The following GABRB2 variants were observed in gnomAD, a reference collection of about 807,000 sequenced individuals.
GABRB2 encodes the protein gamma-aminobutyric acid type A receptor subunit beta2, also known as gamma-aminobutyric acid receptor subunit beta-2.
A neutral mutation model predicts 54.7 loss-of-function variants in GABRB2; 16 were observed. The observed-to-expected ratio is 0.29, with a 90% CI of 0.20 to 0.44. The LOEUF (loss-of-function observed/expected upper bound fraction) is 0.44. Among genes scored for constraint, GABRB2 ranks in the 20% least tolerant of loss-of-function variants. The probability of loss-of-function intolerance (pLI) is 1.00; values close to 1 mark genes in which losing one functional copy is unlikely to be tolerated. For missense variants in GABRB2, 355 were observed against 644.0 expected (o/e 0.55, Z 4.86); for synonymous variants, 244 against 233.8 (o/e 1.04, Z -0.40).
At chr5:161,372,718 A>C (rs1213432317) in intron 5 of GABRB2, among the ~76,000 whole-genome samples, 1 of 152,192 alleles carries the variant, frequency 6.6e-6, no homozygotes, top group African/African-American at 2.4e-5. Flanking sequence ...ATGCTACAGA[A>C]TTCATTCATT....
chr5:161,533,785 T>A (rs185681758), intron 3 of GABRB2, among the ~76,000 whole-genome samples: 8 of 152,322 alleles, frequency 5.3e-5, no homozygotes, highest in Admixed American at 1.3e-4. Context: ...ATAGTTTACA[T>A]CAGTGGTAGT....
At chr5:161,509,063 A>G (rs940282579) in intron 3 of GABRB2, among the ~76,000 whole-genome samples, 3 of 151,950 alleles carry the variant, frequency 2.0e-5, no homozygotes, top group African/African-American at 7.2e-5. Context: ...ATGAGGCAAC[A>G]CTACATAAAT....
rs139027920 is a variant in GABRB2 at position 161,396,822 on chromosome 5, T to C, written c.541+14153A>G. On this transcript the variant is annotated intron_variant, in intron 5 of 9. Coordinates refer to ENST00000393959, the MANE Select transcript of GABRB2 (RefSeq NM_001371727.1). ...AAAATAGCTTAACACATTACCAGAT[T>C]GTAATTAGACTTTCAGGAGTAAATT... Among the ~76,000 whole-genome samples the C allele has an allele frequency of 2.0e-3, 310 of 152,304 alleles. 3 individuals are homozygous for C. Among genetic ancestry groups the C allele is most frequent in the African/African-American group, 7.0e-3 (289 of 41,566 alleles).
chr5:161,326,628 T>A (rs1398954584), intron 8 of GABRB2, 147 bp from the exon 9 acceptor site: 20 of 1,039,496 alleles, frequency 1.9e-5, no homozygotes, highest in Non-Finnish European at 2.6e-5. Flanking sequence ...GGAATTTGAG[T>A]AAGTTTTTAA....
At chr5:161,377,010 G>A (rs913211860) in intron 5 of GABRB2, among the ~76,000 whole-genome samples, 1 of 151,994 alleles carries the variant, frequency 6.6e-6, no homozygotes, top group Non-Finnish European at 1.5e-5. Flanking sequence ...AGCTAGGACA[G>A]GTTATTAATA....
intron 3 of GABRB2, among the ~76,000 whole-genome samples, chr5:161,530,203 A>T (rs1037687787): frequency 6.6e-6 from 1 of 152,144 alleles, no homozygotes; most frequent in African/African-American, 2.4e-5. Flanking sequence ...AAGGGAGAAC[A>T]TGAACAATTA....
intron 5 of GABRB2, among the ~76,000 whole-genome samples, chr5:161,356,583 A>G (rs549208511): frequency 1.3e-5 from 2 of 152,172 alleles, no homozygotes; most frequent in Non-Finnish European, 2.9e-5. Flanking sequence ...CAGTTCATTC[A>G]TCATTAGAAT....
intron 3 of GABRB2, among the ~76,000 whole-genome samples, chr5:161,497,294 C>T: frequency 6.6e-6 from 1 of 152,236 alleles, no homozygotes; most frequent in Admixed American, 6.6e-5. Context: ...AAACCCTGAT[C>T]TTTAAGGCTT....
chr5:161,294,955 A>G (rs1337549236), intron 9 of GABRB2, among the ~76,000 whole-genome samples: 1 of 152,198 alleles, frequency 6.6e-6, no homozygotes, highest in Non-Finnish European at 1.5e-5. Context: ...ATTTCATCTA[A>G]TTGATGTTTC....
intron 5 of GABRB2, among the ~76,000 whole-genome samples, chr5:161,370,833 C>A (rs1370234193): frequency 6.6e-6 from 1 of 152,156 alleles, no homozygotes; most frequent in Admixed American, 6.6e-5. Context: ...AAAATGTCCT[C>A]TTAATTATAG....
At chr5:161,531,691 AATC>A (rs1303871552) in intron 3 of GABRB2, among the ~76,000 whole-genome samples, 4 of 152,014 alleles carry the variant, frequency 2.6e-5, no homozygotes, top group African/African-American at 9.7e-5. Context: ...AACCAACTGT[AATC>A]TTCCATTATT....
intron 3 of GABRB2, among the ~76,000 whole-genome samples, chr5:161,474,266 T>C (rs1758530893): frequency 6.6e-6 from 1 of 152,036 alleles, no homozygotes; most frequent in African/African-American, 2.4e-5. Context: ...CATTCCTCCC[T>C]GTTATCTTGC....
chr5:161,363,205 AG>A (rs1374701381), intron 5 of GABRB2, among the ~76,000 whole-genome samples: 2 of 152,208 alleles, frequency 1.3e-5, no homozygotes, highest in African/African-American at 4.8e-5. Flanking sequence ...GTCATAAAAA[AG>A]GATGAGTTCA....
chr5:161,525,800 T>G (rs1198386891), intron 3 of GABRB2, among the ~76,000 whole-genome samples: 1 of 151,366 alleles, frequency 6.6e-6, no homozygotes, highest in Non-Finnish European at 1.5e-5. Flanking sequence ...TGCATCTAAC[T>G]TAAGTTTCCC....
At chr5:161,473,791 G>C (rs1008928213) in intron 3 of GABRB2, among the ~76,000 whole-genome samples, 2 of 151,902 alleles carry the variant, frequency 1.3e-5, no homozygotes, top group Admixed American at 6.6e-5. Flanking sequence ...TGGCACCTCA[G>C]TATTTGCTGA....
intron 5 of GABRB2, among the ~76,000 whole-genome samples, chr5:161,399,191 T>C (rs1756102491): frequency 6.6e-6 from 1 of 152,182 alleles, no homozygotes; most frequent in Admixed American, 6.5e-5. Context: ...AATGTGTTAA[T>C]CATATGTTAG....
chr5:161,303,142 T>G (rs946115168), intron 9 of GABRB2, among the ~76,000 whole-genome samples: 1 of 152,210 alleles, frequency 6.6e-6, no homozygotes, highest in South Asian at 2.1e-4. Context: ...ATAACAGCCC[T>G]TCCCATCAAA....
intron 5 of GABRB2, among the ~76,000 whole-genome samples, chr5:161,357,548 C>G (rs989359872): frequency 6.7e-6 from 1 of 149,832 alleles, no homozygotes; most frequent in African/African-American, 2.4e-5. Context: ...TATGATCTGG[C>G]CTGTGTGTTA....
intron 3 of GABRB2, among the ~76,000 whole-genome samples, chr5:161,500,966 C>A (rs1322294714): frequency 6.6e-6 from 1 of 152,012 alleles, no homozygotes; most frequent in Non-Finnish European, 1.5e-5. Flanking sequence ...GCATATCTCC[C>A]AATGCTATCC....
Sources: allele counts gnomAD v4.1 joint callset (sites outside exome capture counted in the v4.1 genomes callset), GRCh38; gene constraint gnomAD v4.1.1; transcripts MANE v1.5; gene names NCBI Gene and HGNC (gene_info 2026-07-23, HGNC 2026-07-21).